The following KNTC1 variants were observed in gnomAD, a reference collection of about 807,000 sequenced individuals.
KNTC1 encodes kinetochore associated 1, also known as kinetochore-associated protein 1.
KNTC1 carries 253 observed loss-of-function variants against 314.4 expected under a neutral mutation model. The ratio of observed to expected loss-of-function variants is 0.80; its 90% CI spans 0.73 to 0.89. The LOEUF is 0.89. Among genes scored for constraint, KNTC1 ranks in the 40% least tolerant of loss-of-function variants. The pLI is 0.00. For missense variants in KNTC1, 2,475 were observed against 2,572.9 expected, an observed-to-expected ratio of 0.96 and a Z score of 0.82; for synonymous variants, 901 against 901.4, an observed-to-expected ratio of 1.00 and a Z score of 0.01.
chr12:122,591,270 G>T (rs961726659), intron 41 of KNTC1, 67 bp from the exon 42 acceptor site: 5 of 820,338 alleles, frequency 6.1e-6, no homozygotes, highest in Admixed American at 1.8e-5. Flanking sequence ...GTTGCGTTTC[G>T]TCTAAAAGGT....
At chr12:122,615,613 T>C in intron 57 of KNTC1, 87 bp downstream of exon 57, 1 of 1,243,042 alleles carries the variant, frequency 8.0e-7, no homozygotes, top group Non-Finnish European at 1.1e-6. Flanking sequence ...GATTAAGCAG[T>C]CAGCTCCTTC....
At position 122,589,885 on chromosome 12, in the gene KNTC1, G is replaced by A. The variant is rs1199165510; in HGVS notation, c.4000-722G>A. 2.8e-5 allele frequency among the ~76,000 whole-genome samples: 4 copies of A among 140,412 alleles called. No homozygotes were observed. The South Asian group carries it at 7.1e-4, about 25-fold the overall frequency. 92.1% of individuals were successfully genotyped at this position (140,412 alleles called of 152,430 possible). ...TGCAAGCTCCGCCTCCCAGGTTCAC[G>A]CCATTCTCCTGCCTCAGCCTCCTGA... On this transcript the variant is annotated intron_variant, in intron 40 of 63. Coordinates refer to ENST00000333479, the MANE Select transcript of KNTC1 (RefSeq NM_014708.6).
intron 36 of KNTC1, 53 bp downstream of exon 36, chr12:122,585,043 CTTTT>C: frequency 6.1e-6 from 5 of 817,452 alleles, no homozygotes; most frequent in South Asian, 1.7e-5. Context: ...CATTATGCAC[CTTTT>C]TTTTTTTTCG....
intron 49 of KNTC1, 102 bp from the exon 50 acceptor site, chr12:122,604,775 A>C: frequency 7.7e-7 from 1 of 1,293,570 alleles, no homozygotes; most frequent in Admixed American, 2.0e-5. Context: ...TAGGAACATA[A>C]CTGAGGAAGG....
At chr12:122,555,460 A>C (rs943741595) in intron 16 of KNTC1, among the ~76,000 whole-genome samples, 2 of 152,180 alleles carry the variant, frequency 1.3e-5, no homozygotes, top group African/African-American at 4.8e-5. Flanking sequence ...GCTGAGGCAG[A>C]TGAATCGCTT....
chr12:122,576,824 C>T, intron 29 of KNTC1, 71 bp from the exon 30 acceptor site: 3 of 1,301,964 alleles, frequency 2.3e-6, no homozygotes, highest in Non-Finnish European at 3.1e-6. Flanking sequence ...CCACTTTGCT[C>T]TTATAAGCAA....
chr12:122,537,355 C>T (rs985742203), intron 3 of KNTC1, among the ~76,000 whole-genome samples: 2 of 152,104 alleles, frequency 1.3e-5, no homozygotes, highest in South Asian at 2.1e-4. Flanking sequence ...CATTTTTTTC[C>T]CCAGAACATC....
At position 122,564,000 on chromosome 12, in the gene KNTC1, C is replaced by T. The variant is rs370018815; in HGVS notation, c.1604+1301C>T. 6.8e-4 allele frequency among the ~76,000 whole-genome samples: 104 copies of T among 152,200 alleles called. 1 individual carries two copies. The highest frequency in any genetic ancestry group is 2.4e-3 in the African/African-American group (101 of 41,552). On this transcript the variant is annotated intron_variant, in intron 20 of 63. Coordinates refer to ENST00000333479, the MANE Select transcript of KNTC1 (RefSeq NM_014708.6). ...AATGTTTTTTATATATTTTTTGAAACGGAGTCTCGCTCTATTGCCAAGGCT... is the reference window on the plus strand; with the variant it reads ...AATGTTTTTTATATATTTTTTGAAATGGAGTCTCGCTCTATTGCCAAGGCT...
intron 26 of KNTC1, among the ~76,000 whole-genome samples, chr12:122,573,561 G>C (rs1964832791): frequency 6.6e-6 from 1 of 152,140 alleles, no homozygotes; most frequent in African/African-American, 2.4e-5. Context: ...CACAGCCTCA[G>C]GAAGTCCTGA....
At chr12:122,615,243 G>A (rs1873644436) in intron 56 of KNTC1, among the ~76,000 whole-genome samples, 157 bp downstream of exon 56, 1 of 152,200 alleles carries the variant, frequency 6.6e-6, no homozygotes, top group Non-Finnish European at 1.5e-5. Context: ...CTTGGTGTTA[G>A]ACCAGAGAGT....
chr12:122,583,406 T>A (rs1868731204), intron 34 of KNTC1, among the ~76,000 whole-genome samples: 1 of 152,220 alleles, frequency 6.6e-6, no homozygotes, highest in Non-Finnish European at 1.5e-5. Context: ...GAGCATATTT[T>A]GGGCCTCAGT....
At chr12:122,545,173 A>G (rs922778607) in intron 8 of KNTC1, among the ~76,000 whole-genome samples, 7 of 152,252 alleles carry the variant, frequency 4.6e-5, no homozygotes, top group Admixed American at 1.3e-4. Flanking sequence ...ACCTAATGTT[A>G]TATTCAAAGA....
intron 20 of KNTC1, 77 bp from the exon 21 acceptor site, chr12:122,568,183 AT>A: frequency 1.4e-6 from 1 of 716,122 alleles, no homozygotes; most frequent in Non-Finnish European, 2.4e-6. Context: ...ATTAAAATGC[AT>A]TTAAAGATAA....
chr12:122,618,278 G>T, intron 57 of KNTC1, 65 bp from the exon 58 acceptor site: 1 of 1,468,814 alleles, frequency 6.8e-7, no homozygotes, highest in Non-Finnish European at 9.4e-7. Context: ...GGCCTAGACT[G>T]CAAATTAAAG....
At position 122,585,859 on chromosome 12, in the gene KNTC1, A is replaced by G. The variant is rs989307769; in HGVS notation, c.3673+85A>G. The G allele has an allele frequency of 1.1e-5, 15 of 1,318,868 alleles. No individual in the cohort carries two copies. The African/African-American group carries it at 2.2e-4, about 19-fold the overall frequency. 81.7% of individuals were successfully genotyped at this position (1,318,868 alleles called of 1,614,324 possible). A position where few individuals can be genotyped will look rare whatever the true frequency, so the allele number is the denominator to read the frequency against. On this transcript the variant is annotated intron_variant, in intron 37 of 63. Transcript: ENST00000333479. ...TAGAGGTTTGGAGCTAGAACTACAC[A>G]CAGTAATGTGGGCGAACCTTATAAG... is the stretch of plus-strand genomic sequence containing the variant.
chr12:122,608,819 A>G (rs1015036566), intron 51 of KNTC1, among the ~76,000 whole-genome samples: 9 of 152,074 alleles, frequency 5.9e-5, no homozygotes, highest in Non-Finnish European at 8.8e-5. Context: ...GCACTTTGGG[A>G]GGCTGAGGTG....
At chr12:122,619,776 C>G (rs144771779) in intron 59 of KNTC1, among the ~76,000 whole-genome samples, 1 of 152,140 alleles carries the variant, frequency 6.6e-6, no homozygotes. Context: ...ATGTGTTGTG[C>G]GACTAGTAAA....
chr12:122,604,618 T>C lies in KNTC1; in HGVS notation c.5156T>C (p.Leu1719Pro), dbSNP rs1872373319. 1 of 1,599,158 alleles carries C rather than the reference T, an allele frequency of 6.3e-7. No homozygotes were observed. Among genetic ancestry groups the C allele is most frequent in the South Asian group, 1.1e-5 (1 of 90,588 alleles). Residue 1719 changes from leucine (L) to proline (P), a missense_variant, in exon 49 of 64, where the codon CTA becomes CCA. Leu to Pro is a moderately conservative substitution (Grantham distance 98). Transcript: ENST00000333479. ...TGCCTTTATTTAGCTGAGAGATGGCTACAGAATATCCCATCGCAGGTGTGT... is the reference window on the plus strand; with the variant it reads ...TGCCTTTATTTAGCTGAGAGATGGCCACAGAATATCCCATCGCAGGTGTGT... ...KFCLYLAERWLQNIPSQDEKR... is the reference protein window; with the variant it reads ...KFCLYLAERWPQNIPSQDEKR...
intron 62 of KNTC1, 77 bp downstream of exon 62, chr12:122,622,684 C>T: frequency 8.2e-7 from 1 of 1,212,690 alleles, no homozygotes; most frequent in Non-Finnish European, 1.1e-6. Flanking sequence ...CACGATGGCT[C>T]ACGACTGTAA....
Sources: allele counts gnomAD v4.1 joint callset (sites outside exome capture counted in the v4.1 genomes callset), GRCh38; gene constraint gnomAD v4.1.1; transcripts MANE v1.5; gene names NCBI Gene and HGNC (gene_info 2026-07-23, HGNC 2026-07-21).